The following KALRN variants were observed in gnomAD, a reference collection of about 807,000 sequenced individuals.
KALRN encodes the protein kalirin RhoGEF kinase, also known as kalirin.
KALRN carries 70 observed loss-of-function variants against 353.7 expected under a neutral mutation model. The observed-to-expected ratio is 0.20, with a 90% CI of 0.16 to 0.24. KALRN has a LOEUF of 0.24. Among genes scored for constraint, KALRN ranks in the 10% least tolerant of loss-of-function variants. KALRN has a pLI of 1.00. For synonymous variants in KALRN, 1,391 were observed against 1,434.8 expected (o/e 0.97, Z 0.69); for missense variants, 2,791 against 3,756.7 (o/e 0.74, Z 6.72).
At chr3:124,168,204 A>G (rs186358245) in intron 1 of KALRN, among the ~76,000 whole-genome samples, 2 of 152,334 alleles carry the variant, frequency 1.3e-5, no homozygotes, top group Admixed American at 1.3e-4. Flanking sequence ...AGAAGATGAA[A>G]TGATACTGAA....
intron 5 of KALRN, among the ~76,000 whole-genome samples, chr3:124,270,840 T>C (rs6769526): frequency 6.8e-6 from 1 of 146,448 alleles, no homozygotes; most frequent in African/African-American, 2.5e-5. Flanking sequence ...TTTTTTTTTT[T>C]TTTTTTTGAG....
chr3:124,557,381 T>G (rs185957493), intron 33 of KALRN, among the ~76,000 whole-genome samples: 1 of 152,380 alleles, frequency 6.6e-6, no homozygotes, highest in East Asian at 1.9e-4. Context: ...CTCATCTTTT[T>G]GCATTTGGAA....
In KALRN at chr3:124,361,070, T is replaced by G. The variant is rs114888345; in HGVS notation, c.1770+13805T>G. Among the ~76,000 whole-genome samples, 777 of 152,308 alleles carry G rather than the reference T, an allele frequency of 5.1e-3. 5 individuals carry two copies. Among genetic ancestry groups the G allele is most frequent in the African/African-American group, 0.018 (737 of 41,558 alleles). On this transcript the variant is annotated intron_variant, in intron 10 of 59. Transcript: ENST00000682506. ...TAATCTTTGAAACAGCTCTATAGATTTACTGTTAATATTTTCCAGATGAGG... is the reference window on the plus strand; with the variant it reads ...TAATCTTTGAAACAGCTCTATAGATGTACTGTTAATATTTTCCAGATGAGG...
At chr3:124,584,958 C>T (rs754265579) in intron 34 of KALRN, 2 of 1,554,296 alleles carry the variant, frequency 1.3e-6, no homozygotes, top group Non-Finnish European at 1.7e-6. Context: ...ACTGGTCGCG[C>T]TCAGCGCGAG....
chr3:124,357,916 C>T (rs1408147647), intron 10 of KALRN, among the ~76,000 whole-genome samples: 3 of 152,082 alleles, frequency 2.0e-5, no homozygotes, highest in Non-Finnish European at 2.9e-5. Context: ...CTTTGTTGGG[C>T]GGATATCAGG....
At chr3:124,589,197 C>G (rs2149341964) in intron 34 of KALRN, among the ~76,000 whole-genome samples, 1 of 152,258 alleles carries the variant, frequency 6.6e-6, no homozygotes, top group South Asian at 2.1e-4. Flanking sequence ...CTTCCTTGGT[C>G]CTTAAATTAA....
At chr3:124,223,649 A>G (rs183255223) in intron 1 of KALRN, among the ~76,000 whole-genome samples, 46 of 152,336 alleles carry the variant, frequency 3.0e-4, no homozygotes, top group Non-Finnish European at 4.4e-4. Context: ...TCACTTGTTG[A>G]AATCAGGAAT....
chr3:124,667,224 G>A (rs753051466), intron 47 of KALRN, 41 bp downstream of exon 47: 1 of 1,570,084 alleles, frequency 6.4e-7, no homozygotes, highest in Non-Finnish European at 8.7e-7. Flanking sequence ...TGTGTCAGGG[G>A]ACTCCACGAC....
chr3:124,082,107 G>C (rs944696728), intron 1 of KALRN: 2 of 376,312 alleles, frequency 5.3e-6, no homozygotes, highest in Non-Finnish European at 1.1e-5. Context: ...CATGGAGGCA[G>C]TGTAGCTGTC....
chr3:124,205,612 C>T (rs76968910), intron 1 of KALRN, among the ~76,000 whole-genome samples: 5,148 of 152,138 alleles, frequency 0.034, 130 homozygotes, highest in Non-Finnish European at 0.047. Context: ...TAGAAGATAG[C>T]GGGAGAGTTT....
intron 10 of KALRN, among the ~76,000 whole-genome samples, chr3:124,360,296 T>C (rs1005484080): frequency 1.3e-5 from 2 of 152,214 alleles, no homozygotes; most frequent in African/African-American, 4.8e-5. Flanking sequence ...TGGCTGCCGG[T>C]GGAATCTGAT....
At chr3:124,323,771 T>C (rs1054500828) in intron 6 of KALRN, among the ~76,000 whole-genome samples, 1 of 152,158 alleles carries the variant, frequency 6.6e-6, no homozygotes, top group African/African-American at 2.4e-5. Flanking sequence ...CCTAGATAGA[T>C]CTGGGTAAGG....
chr3:124,255,186 T>G (rs1253757491), intron 3 of KALRN, among the ~76,000 whole-genome samples: 1 of 152,120 alleles, frequency 6.6e-6, no homozygotes, highest in Non-Finnish European at 1.5e-5. Context: ...TCAAGTGATC[T>G]GCCCGCCTCA....
At chr3:124,616,881 C>G (rs1041434242) in intron 34 of KALRN, among the ~76,000 whole-genome samples, 1 of 151,158 alleles carries the variant, frequency 6.6e-6, no homozygotes, top group Non-Finnish European at 1.5e-5. Context: ...AGGAGAATGG[C>G]GTGAACCCAG....
intron 1 of KALRN, among the ~76,000 whole-genome samples, chr3:124,081,885 G>GTC (rs959715120): frequency 5.9e-5 from 9 of 152,354 alleles, no homozygotes; most frequent in East Asian, 5.8e-4. Flanking sequence ...TCACAAAGTT[G>GTC]TCTCTGTAAA....
At chr3:124,684,713 G>A (rs2061482289) in intron 51 of KALRN, among the ~76,000 whole-genome samples, 2 of 152,210 alleles carry the variant, frequency 1.3e-5, no homozygotes, top group Admixed American at 6.5e-5. Flanking sequence ...GATCCCGACC[G>A]AAGAGGACGT....
intron 11 of KALRN, among the ~76,000 whole-genome samples, chr3:124,387,462 C>A (rs980757160): frequency 2.0e-5 from 3 of 152,060 alleles, no homozygotes; most frequent in African/African-American, 7.2e-5. Flanking sequence ...ATGGGAAAAC[C>A]AAAGTTCAGA....
rs1024340473 is a variant in KALRN at position 124,699,682 on chromosome 3, T to C, written c.7832-187T>C. ...CTTCTTCCACGCCTCTCACCATTTA[T>C]TCCGTCATTTAGGAAACCGAATCCA... is the stretch of plus-strand genomic sequence containing the variant. On this transcript the variant is annotated intron_variant, in intron 55 of 59. Coordinates refer to ENST00000682506, the MANE Select transcript of KALRN (RefSeq NM_001388419.1). Among the ~76,000 whole-genome samples, 11 of 152,234 alleles carry C rather than the reference T, an allele frequency of 7.2e-5. No homozygotes were observed. The South Asian group carries it at 2.3e-3, about 32-fold the overall frequency.
intron 13 of KALRN, among the ~76,000 whole-genome samples, chr3:124,404,781 C>T (rs970519726): frequency 2.6e-5 from 4 of 151,742 alleles, no homozygotes; most frequent in South Asian, 2.1e-4. Flanking sequence ...TGGTGCATCA[C>T]TACAGGTTCT....
Sources: allele counts gnomAD v4.1 joint callset (sites outside exome capture counted in the v4.1 genomes callset), GRCh38; gene constraint gnomAD v4.1.1; transcripts MANE v1.5; gene names NCBI Gene and HGNC (gene_info 2026-07-23, HGNC 2026-07-21).